Variants in NOTCH2 observed in about 807,000 individuals in gnomAD.
NOTCH2 encodes notch receptor 2, also known as neurogenic locus notch homolog protein 2.
Under a neutral mutation model 235.8 loss-of-function variants are expected in NOTCH2, and 29 were observed. The ratio of observed to expected loss-of-function variants is 0.12; its 90% CI spans 0.09 to 0.17. NOTCH2 has a LOEUF of 0.17. NOTCH2 is among the 10% of genes least tolerant of loss of function. The pLI is 1.00. For missense variants in NOTCH2, 2,285 were observed against 3,150.2 expected (o/e 0.73, Z 6.57); for synonymous variants, 1,086 against 1,141.5 (o/e 0.95, Z 0.98).
chr1:120,065,530 A>G (rs1407728650), intron 1 of NOTCH2, among the ~76,000 whole-genome samples: 4 of 152,232 alleles, frequency 2.6e-5, no homozygotes, highest in Non-Finnish European at 5.9e-5. Context: ...ACACCAGAAG[A>G]AAGGAATTCT....
At chr1:119,920,495 A>G (rs1570659398) in intron 29 of NOTCH2, 98 bp from the exon 30 acceptor site, 2 of 1,342,052 alleles carry the variant, frequency 1.5e-6, no homozygotes, top group East Asian at 4.6e-5. Flanking sequence ...CTTATCTCCC[A>G]TTGTTTTCTC....
chr1:120,031,151 G>A (rs1287476499), intron 1 of NOTCH2, among the ~76,000 whole-genome samples: 2 of 149,656 alleles, frequency 1.3e-5, no homozygotes, highest in Admixed American at 6.7e-5. Flanking sequence ...TCAGAGAGAC[G>A]CTAGGCCTGG....
At position 119,916,407 on chromosome 1, in the gene NOTCH2, C is replaced by A; in HGVS notation, c.6315G>T (p.Arg2105=). The part of the protein sequence containing the change: ...KHTPMGKKSR[R]PSAKSTMPTS... ...TAGGCATGGTACTCTTGGCACTGGGCCGTCTAGACTTCTTGCCCATTGGGG... is the reference window on the plus strand; with the variant it reads ...TAGGCATGGTACTCTTGGCACTGGGACGTCTAGACTTCTTGCCCATTGGGG... The change falls in exon 34 of 34, where the codon CGG becomes CGT. Residue 2105 remains arginine (R), a synonymous_variant. Coordinates refer to ENST00000256646, the MANE Select transcript of NOTCH2 (RefSeq NM_024408.4). 1 of 1,614,140 alleles carries A rather than the reference C, an allele frequency of 6.2e-7. No homozygotes were observed. The highest frequency in any genetic ancestry group is 8.5e-7 in the Non-Finnish European group (1 of 1,180,012).
chr1:119,931,374 T>C (rs1434395050), intron 22 of NOTCH2, among the ~76,000 whole-genome samples: 2 of 152,118 alleles, frequency 1.3e-5, no homozygotes, highest in Admixed American at 1.3e-4. Context: ...AGGATTTGGT[T>C]AGCAAGACTC....
intron 30 of NOTCH2, 97 bp from the exon 31 acceptor site, chr1:119,919,710 G>T: frequency 8.5e-7 from 1 of 1,177,266 alleles, no homozygotes; most frequent in Non-Finnish European, 1.2e-6. Flanking sequence ...ATTCTTAGGG[G>T]CAAAGAATTC....
At position 119,919,292 on chromosome 1, in the gene NOTCH2, A is replaced by G. The variant is rs1649192074; in HGVS notation, c.5781+20T>C. ...AGCCATAGGAATTATTATTCAAGTG[A>G]CTCTTCTCATGTTCTTTACCTGGAA... On this transcript the variant is annotated intron_variant, in intron 31 of 33. Coordinates refer to ENST00000256646, the MANE Select transcript of NOTCH2 (RefSeq NM_024408.4). 1 of 1,598,360 alleles carries G rather than the reference A, an allele frequency of 6.3e-7. No individual in the cohort carries two copies. The highest frequency in any genetic ancestry group is 1.3e-5 in the African/African-American group (1 of 74,770).
At chr1:119,920,159 C>T (rs1158942669) in intron 30 of NOTCH2, 70 bp downstream of exon 30, 2 of 1,583,040 alleles carry the variant, frequency 1.3e-6, no homozygotes, top group Non-Finnish European at 1.7e-6. Flanking sequence ...ACAGGGCAAA[C>T]ACAGGGACAA....
chr1:119,919,388 T>C lies in NOTCH2; in HGVS notation c.5705A>G (p.Asp1902Gly), dbSNP rs767105542. The C allele has an allele frequency of 5.0e-6, 8 of 1,613,622 alleles. No homozygotes were observed. Among genetic ancestry groups the C allele is most frequent in the Non-Finnish European group, 6.8e-6 (8 of 1,180,052 alleles). The change falls in exon 31 of 34, where the codon GAT (aspartate) becomes GGT (glycine). Residue 1902 changes from aspartate (D) to glycine (G), a missense_variant. By Grantham distance (94) the Asp-to-Gly change is moderately conservative. Coordinates refer to ENST00000256646, the MANE Select transcript of NOTCH2 (RefSeq NM_024408.4). ...AAKRLLDAGA[D>G]ANAQDNMGRC... is the part of the protein sequence containing the mutation. ...GCCCATGTTGTCCTGGGCATTGGCATCTGCACCTGCATCCAGGAGACGCTT... is the reference window on the plus strand; with the variant it reads ...GCCCATGTTGTCCTGGGCATTGGCACCTGCACCTGCATCCAGGAGACGCTT...
chr1:119,981,343 T>C (rs1400131977), intron 5 of NOTCH2, among the ~76,000 whole-genome samples: 2 of 152,208 alleles, frequency 1.3e-5, no homozygotes, highest in African/African-American at 4.8e-5. Flanking sequence ...GTGTGGACTT[T>C]CTTATGTCTT....
chr1:120,043,863 GAA>G (rs3978810), intron 1 of NOTCH2, among the ~76,000 whole-genome samples: 43 of 138,878 alleles, frequency 3.1e-4, no homozygotes, highest in African/African-American at 1.0e-3. Context: ...ATTTCTCCAG[GAA>G]AAAAAAAAAA....
At chr1:120,063,321 G>A (rs1352391932) in intron 1 of NOTCH2, among the ~76,000 whole-genome samples, 9 of 152,052 alleles carry the variant, frequency 5.9e-5, no homozygotes, top group South Asian at 4.2e-4. Context: ...GGAAACTGCC[G>A]ACACCAAATA....
chr1:120,048,661 T>G (rs1654898024), intron 1 of NOTCH2, among the ~76,000 whole-genome samples: 1 of 145,844 alleles, frequency 6.9e-6, no homozygotes, highest in African/African-American at 2.6e-5. Context: ...TTTCCCAGGT[T>G]AGTCTCAAAC....
chr1:120,035,293 T>C (rs1738708), intron 1 of NOTCH2, among the ~76,000 whole-genome samples: 1 of 151,448 alleles, frequency 6.6e-6, no homozygotes, highest in Admixed American at 6.6e-5. Flanking sequence ...TTTGGCTCTC[T>C]TAAGAACCAG....
At chr1:119,975,636 C>A (rs1553200831) in intron 5 of NOTCH2, among the ~76,000 whole-genome samples, 1 of 120,582 alleles carries the variant, frequency 8.3e-6, no homozygotes. Context: ...CAGAGCAAGA[C>A]TCCATCTCAA....
At chr1:119,926,351 A>G (rs913532800) in intron 24 of NOTCH2, 148 bp downstream of exon 24, 7 of 746,422 alleles carry the variant, frequency 9.4e-6, no homozygotes, top group African/African-American at 3.5e-5. Flanking sequence ...CTTTAAATGG[A>G]AAAACCCAAG....
intron 2 of NOTCH2, among the ~76,000 whole-genome samples, chr1:120,014,325 G>A (rs1448596370): frequency 3.9e-5 from 6 of 152,200 alleles, no homozygotes; most frequent in Non-Finnish European, 8.8e-5. Flanking sequence ...AGCACTGTGG[G>A]AGGCCAAGGC....
intron 14 of NOTCH2, among the ~76,000 whole-genome samples, chr1:119,953,274 T>C (rs1397386219): frequency 1.3e-5 from 2 of 151,522 alleles, no homozygotes; most frequent in African/African-American, 4.9e-5. Context: ...TCACGCACCA[T>C]TGCACTCCAG....
chr1:119,983,180 C>CT (rs1419004392), intron 5 of NOTCH2, among the ~76,000 whole-genome samples: 25 of 151,018 alleles, frequency 1.7e-4, no homozygotes, highest in African/African-American at 5.1e-4. Flanking sequence ...AAAAAGATAT[C>CT]TTTTTTTCCA....
intron 3 of NOTCH2, among the ~76,000 whole-genome samples, chr1:119,999,956 AAAGAAAGAAAGAAAGAAAGAAAGGAAGG>A (rs1351121673): frequency 1.6e-3 from 218 of 134,368 alleles, no homozygotes; most frequent in Middle Eastern, 0.011. Flanking sequence ...AGAAAGAAAG[AAAGAAAGAAAGAAAGAAAGAAAGGAAGG>A]AAGGAAGGAA....
Sources: gnomAD v4.1 joint callset for allele counts (sites outside exome capture counted in the v4.1 genomes callset) on GRCh38, gnomAD v4.1.1 for gene constraint, MANE v1.5 for transcripts, NCBI Gene and HGNC (gene_info 2026-07-23, HGNC 2026-07-21) for gene names.